The following ASAP1 variants were observed in gnomAD, a reference collection of about 807,000 sequenced individuals.
ASAP1 encodes ArfGAP with SH3 domain, ankyrin repeat and PH domain 1, also known as arf-GAP with SH3 domain, ANK repeat and PH domain-containing protein 1.
In ASAP1, 43 loss-of-function variants were observed where a neutral mutation model predicts 145.2. The observed-to-expected ratio is 0.30, with a 90% CI of 0.23 to 0.38. ASAP1 has a LOEUF of 0.38. Among genes scored for constraint, ASAP1 ranks in the 10% least tolerant of loss-of-function variants. The probability of loss-of-function intolerance (pLI) is 1.00; values close to 1 mark genes in which losing one functional copy is unlikely to be tolerated. For synonymous variants in ASAP1, 546 were observed against 515.5 expected, an observed-to-expected ratio of 1.06 and a Z score of -0.80; for missense variants, 1,018 against 1,355.3, an observed-to-expected ratio of 0.75 and a Z score of 3.91.
intron 2 of ASAP1, among the ~76,000 whole-genome samples, chr8:130,400,434 A>T (rs1471082786): frequency 1.3e-5 from 2 of 151,764 alleles, no homozygotes; most frequent in Admixed American, 6.6e-5. Flanking sequence ...CAGTATTCCC[A>T]GCTGCAAAAT....
chr8:130,262,457 A>G (rs140364301), intron 3 of ASAP1, among the ~76,000 whole-genome samples: 5 of 127,802 alleles, frequency 3.9e-5, no homozygotes, highest in African/African-American at 8.7e-5. Flanking sequence ...AGAGAGAGAG[A>G]ACCTGTGGAA....
intron 2 of ASAP1, among the ~76,000 whole-genome samples, chr8:130,366,891 T>TG (rs1826980470): frequency 7.0e-6 from 1 of 141,996 alleles, no homozygotes; most frequent in Non-Finnish European, 1.5e-5. Context: ...GATTCCTTTT[T>TG]TTTTTTTTTT....
chr8:130,422,970 G>A (rs1354652724), intron 1 of ASAP1, among the ~76,000 whole-genome samples: 1 of 152,214 alleles, frequency 6.6e-6, no homozygotes, highest in African/African-American at 2.4e-5. Context: ...GTCCTCAGAG[G>A]TTAAGCAGCC....
chr8:130,245,911 C>A (rs1239395956), intron 3 of ASAP1, among the ~76,000 whole-genome samples: 1 of 152,122 alleles, frequency 6.6e-6, no homozygotes, highest in African/African-American at 2.4e-5. Context: ...TTGGGTAGCA[C>A]ACGTAAAAAT....
At chr8:130,336,785 G>A (rs79928066) in intron 3 of ASAP1, among the ~76,000 whole-genome samples, 9 of 152,128 alleles carry the variant, frequency 5.9e-5, no homozygotes, top group South Asian at 2.1e-4. Context: ...TCTAAAAGAC[G>A]GTAAGCCAGA....
intron 2 of ASAP1, among the ~76,000 whole-genome samples, chr8:130,399,851 T>C (rs897334223): frequency 1.6e-5 from 2 of 122,860 alleles, no homozygotes; most frequent in African/African-American, 7.6e-5. Context: ...AGTTTCGCTC[T>C]TGTTGCCCAG....
chr8:130,421,671 A>G (rs1228803846), intron 1 of ASAP1, among the ~76,000 whole-genome samples: 2 of 152,154 alleles, frequency 1.3e-5, no homozygotes, highest in South Asian at 2.1e-4. Flanking sequence ...GAGCCACCAC[A>G]TGGATGAGAG....
At chr8:130,071,321 T>C (rs1564926355) in intron 27 of ASAP1, among the ~76,000 whole-genome samples, 1 of 152,196 alleles carries the variant, frequency 6.6e-6, no homozygotes, top group Non-Finnish European at 1.5e-5. Context: ...GTAACCATGT[T>C]TTTAAATATT....
At chr8:130,318,671 A>C (rs1668897244) in intron 3 of ASAP1, among the ~76,000 whole-genome samples, 3 of 152,144 alleles carry the variant, frequency 2.0e-5, no homozygotes, top group Non-Finnish European at 4.4e-5. Context: ...TGGTATTATC[A>C]CCTCCTTTTA....
chr8:130,212,901 T>C (rs762099032), intron 5 of ASAP1, among the ~76,000 whole-genome samples: 56 of 152,204 alleles, frequency 3.7e-4, no homozygotes, highest in Non-Finnish European at 6.8e-4. Flanking sequence ...CATTTGGTCC[T>C]TGGAAACTAA....
chr8:130,133,821 C>T (rs2097587856), intron 15 of ASAP1, among the ~76,000 whole-genome samples: 1 of 152,218 alleles, frequency 6.6e-6, no homozygotes, highest in Non-Finnish European at 1.5e-5. Context: ...CCTTCAGGGC[C>T]TGGCTCACCT....
chr8:130,375,284 C>A (rs530540291), intron 2 of ASAP1, among the ~76,000 whole-genome samples: 1 of 152,132 alleles, frequency 6.6e-6, no homozygotes, highest in Admixed American at 6.5e-5. Flanking sequence ...ATTCTATTGG[C>A]CACTGCAGGA....
chr8:130,357,920 G>GC, intron 3 of ASAP1, 97 bp downstream of exon 3: 21 of 1,469,276 alleles, frequency 1.4e-5, no homozygotes, highest in Non-Finnish European at 1.9e-5. Context: ...GGCGCCCCCG[G>GC]CCCCCGCGTC....
At chr8:130,212,447 G>C (rs571488618) in intron 5 of ASAP1, among the ~76,000 whole-genome samples, 1 of 152,306 alleles carries the variant, frequency 6.6e-6, no homozygotes, top group South Asian at 2.1e-4. Flanking sequence ...CACAACCAGA[G>C]CATGAGGTGA....
chr8:130,410,880 A>G (rs1252156171), intron 1 of ASAP1, among the ~76,000 whole-genome samples: 3 of 152,126 alleles, frequency 2.0e-5, no homozygotes, highest in Non-Finnish European at 2.9e-5. Flanking sequence ...CTGTTTTTTG[A>G]GACAGAGTCT....
chr8:130,166,059 T>C (rs1022811296), intron 11 of ASAP1, among the ~76,000 whole-genome samples: 1 of 152,192 alleles, frequency 6.6e-6, no homozygotes, highest in East Asian at 1.9e-4. Flanking sequence ...TCTTCCTCCA[T>C]TGCCCAGGCT....
At chr8:130,193,956 C>T (rs563235033) in intron 5 of ASAP1, among the ~76,000 whole-genome samples, 17 of 152,148 alleles carry the variant, frequency 1.1e-4, no homozygotes, top group Non-Finnish European at 2.4e-4. Flanking sequence ...TCCCAAAGTG[C>T]TGGGATTACA....
At chr8:130,418,773 G>C (rs980473707) in intron 1 of ASAP1, among the ~76,000 whole-genome samples, 2 of 24,984 alleles carry the variant, frequency 8.0e-5, no homozygotes, top group Non-Finnish European at 3.3e-4. Context: ...AAAAAAAATA[G>C]GAGTTTTTTT....
Position 130,358,287 on chromosome 8 carries a change from G to T in ASAP1, c.60-144C>A. Reference sequence around the variant, plus strand: ...GGCCTGGCGCGCGGCTCCCGTCCCCGGCAGCGGCGAGAGGGAGGGAAGGAG... The same window carrying T: ...GGCCTGGCGCGCGGCTCCCGTCCCCTGCAGCGGCGAGAGGGAGGGAAGGAG... On this transcript the variant is annotated intron_variant, in intron 2 of 29. Coordinates refer to ENST00000518721, the MANE Select transcript of ASAP1 (RefSeq NM_018482.4). The surrounding 1 kb of genome is among the most constrained non-coding windows in gnomAD (Gnocchi z 4.1). The T allele has an allele frequency of 5.8e-6, 3 of 521,544 alleles. No homozygotes were observed. Among genetic ancestry groups the T allele is most frequent in the Non-Finnish European group, 7.7e-6 (3 of 390,706 alleles). The allele number at this position is 521,544 out of a possible 1,614,324, so 32.3% of individuals were successfully genotyped here. A position where few individuals can be genotyped will look rare whatever the true frequency, so the allele number is the denominator to read the frequency against.
Sources: allele counts gnomAD v4.1 joint callset (sites outside exome capture counted in the v4.1 genomes callset), GRCh38; gene constraint gnomAD v4.1.1; non-coding constraint Gnocchi (gnomAD v3.1); transcripts MANE v1.5; gene names NCBI Gene and HGNC (gene_info 2026-07-23, HGNC 2026-07-21).